Variants in GPRASP3 observed in about 807,000 individuals in gnomAD.
GPRASP3 encodes G protein-coupled receptor associated sorting protein 3.
chrX:102,736,302 T>G, the GPRASP3 span, among the ~76,000 whole-genome samples: 3 of 112,606 alleles, frequency 2.7e-5, no homozygotes, highest in Non-Finnish European at 5.6e-5. Context: ...GTTTAAATTT[T>G]CTGACAATAT....
At chrX:102,730,207 C>A in the GPRASP3 span, among the ~76,000 whole-genome samples, 1 of 112,064 alleles carries the variant, frequency 8.9e-6, no homozygotes, top group African/African-American at 3.2e-5. Flanking sequence ...AAGGAGCATG[C>A]AACCTAGATC....
At chrX:102,721,479 A>G in the GPRASP3 span, among the ~76,000 whole-genome samples, 1 of 111,663 alleles carries the variant, frequency 9.0e-6, no homozygotes, top group Non-Finnish European at 1.9e-5. Context: ...CTGGGGATGC[A>G]AGAGAGGAAT....
the GPRASP3 span, among the ~76,000 whole-genome samples, chrX:102,738,775 G>T: frequency 8.9e-6 from 1 of 111,794 alleles, no homozygotes; most frequent in Non-Finnish European, 1.9e-5. Flanking sequence ...CTGAAAATTT[G>T]AGATAGGCCT....
the GPRASP3 span, among the ~76,000 whole-genome samples, chrX:102,728,843 C>G: frequency 9.0e-6 from 1 of 110,841 alleles, no homozygotes; most frequent in African/African-American, 3.3e-5. Flanking sequence ...TACTTACAAC[C>G]AGAAAAAAAT....
chrX:102,734,673 A>G, the GPRASP3 span, among the ~76,000 whole-genome samples: 6 of 111,808 alleles, frequency 5.4e-5, no homozygotes, highest in Admixed American at 4.7e-4. Context: ...GGATGATGAA[A>G]AGTCCTAGGG....
At chrX:102,727,262 G>A in the GPRASP3 span, among the ~76,000 whole-genome samples, 143 of 112,311 alleles carry the variant, frequency 1.3e-3, no homozygotes, top group Non-Finnish European at 2.4e-3. Context: ...ATCAACTTCC[G>A]TCCTAAGGCT....
chrX:102,725,378 T>C, the GPRASP3 span, among the ~76,000 whole-genome samples: 2 of 111,955 alleles, frequency 1.8e-5, no homozygotes, highest in African/African-American at 3.3e-5. Flanking sequence ...TTTCTGTCTA[T>C]GGGAAACATC....
the GPRASP3 span, among the ~76,000 whole-genome samples, chrX:102,729,706 C>G: frequency 8.9e-6 from 1 of 112,004 alleles, no homozygotes; most frequent in African/African-American, 3.3e-5. Context: ...CCCATCTCTA[C>G]TAAAAGTACA....
At chrX:102,725,519 A>G in the GPRASP3 span, among the ~76,000 whole-genome samples, 1 of 106,222 alleles carries the variant, frequency 9.4e-6, no homozygotes, top group Admixed American at 1.0e-4. Context: ...CCACTTGGCC[A>G]CTTGTTTCTT....
chrX:102,738,475 C>T, the GPRASP3 span, among the ~76,000 whole-genome samples: 1 of 111,385 alleles, frequency 9.0e-6, no homozygotes, highest in Admixed American at 9.5e-5. Context: ...TGTGTACCTG[C>T]CTAGCCTTTC....
chrX:102,737,388 A>C, the GPRASP3 span, among the ~76,000 whole-genome samples: 1 of 112,498 alleles, frequency 8.9e-6, no homozygotes, highest in Non-Finnish European at 1.9e-5. Flanking sequence ...CGTATGTTCA[A>C]AGAGGTGGTA....
chrX:102,733,321 T>C, the GPRASP3 span, among the ~76,000 whole-genome samples: 2 of 109,598 alleles, frequency 1.8e-5, no homozygotes, highest in African/African-American at 6.7e-5. Context: ...TAGCCGGGCA[T>C]GGTGGCGGGC....
the GPRASP3 span, among the ~76,000 whole-genome samples, chrX:102,737,150 GA>G: frequency 1.8e-5 from 2 of 111,859 alleles, no homozygotes; most frequent in Non-Finnish European, 3.8e-5. Flanking sequence ...TTCAAGAAGA[GA>G]AAAAAACAAA....
the GPRASP3 span, among the ~76,000 whole-genome samples, chrX:102,737,382 T>C: frequency 1.8e-5 from 2 of 112,467 alleles, no homozygotes; most frequent in Non-Finnish European, 3.7e-5. Flanking sequence ...GTATGACGTA[T>C]GTTCAAAGAG....
the GPRASP3 span, among the ~76,000 whole-genome samples, chrX:102,722,985 G>A: frequency 9.0e-6 from 1 of 110,965 alleles, no homozygotes. Flanking sequence ...GAATAGATTT[G>A]GAATGTCCTC....
At chrX:102,730,420 G>A in the GPRASP3 span, among the ~76,000 whole-genome samples, 3 of 112,516 alleles carry the variant, frequency 2.7e-5, no homozygotes, top group Non-Finnish European at 5.6e-5. Context: ...GTCCAGGTCC[G>A]TGGCCTAGGG....
the GPRASP3 span, among the ~76,000 whole-genome samples, chrX:102,738,804 T>G: frequency 8.9e-6 from 1 of 111,924 alleles, no homozygotes. Context: ...TTAGAAAGTT[T>G]ATTTTGCCAA....
the GPRASP3 span, chrX:102,747,945 G>A: frequency 2.7e-5 from 3 of 111,810 alleles, no homozygotes; most frequent in African/African-American, 6.5e-5. Context: ...CGTTGATTGG[G>A]GTTATGGAAA....
chrX:102,734,203 A>T, the GPRASP3 span, among the ~76,000 whole-genome samples: 1 of 112,170 alleles, frequency 8.9e-6, no homozygotes, highest in Non-Finnish European at 1.9e-5. Context: ...GTCACAGGGG[A>T]TATGATGGCT....
Sources: gnomAD v4.1 joint callset for allele counts (sites outside exome capture counted in the v4.1 genomes callset) on GRCh38, gnomAD v4.1.1 for gene constraint, MANE v1.5 for transcripts, NCBI Gene and HGNC (gene_info 2026-07-23, HGNC 2026-07-21) for gene names.